DNHD1: variants seen among roughly 807,000 people sequenced by gnomAD.
DNHD1 encodes dynein heavy chain domain-containing protein 1.
A neutral mutation model predicts 458.1 loss-of-function variants in DNHD1; 383 were observed. The ratio of observed to expected loss-of-function variants is 0.84; its 90% CI spans 0.77 to 0.91. The LOEUF (loss-of-function observed/expected upper bound fraction) is 0.91. Among genes scored for constraint, DNHD1 ranks in the 40% least tolerant of loss-of-function variants. The pLI is 0.00. For missense variants in DNHD1, 5,336 were observed against 5,866.1 expected, an observed-to-expected ratio of 0.91 and a Z score of 2.95; for synonymous variants, 2,203 against 2,376.9, an observed-to-expected ratio of 0.93 and a Z score of 2.13.
In DNHD1 at chr11:6,538,367, C is replaced by A. The variant is rs1216482702; in HGVS notation, c.2999-16C>A. The A allele has an allele frequency of 2.6e-6, 4 of 1,551,620 alleles. No homozygotes were observed. The highest frequency in any genetic ancestry group is 3.5e-6 in the Non-Finnish European group (4 of 1,146,934). ...ACTGCAAGTAGCCCAGGTCTCAAGTCAGCCCTCCCCCACAGAGGATGAGAC... is the reference window on the plus strand; with the variant it reads ...ACTGCAAGTAGCCCAGGTCTCAAGTAAGCCCTCCCCCACAGAGGATGAGAC... On this transcript the variant is annotated splice_polypyrimidine_tract_variant and intron_variant, in intron 14 of 42. Transcript: ENST00000254579.
Position 6,556,875 on chromosome 11 carries a change from T to G in DNHD1, c.7580T>G (p.Leu2527Arg). The G allele has an allele frequency of 6.4e-7, 1 of 1,551,710 alleles. No individual in the cohort carries two copies. Among genetic ancestry groups the G allele is most frequent in the Non-Finnish European group, 8.7e-7 (1 of 1,146,994 alleles). ...TTTCGACTCTTCACAGTCCTGGCCCTGGAAAGCATGACCCAGGCCACCCTG... is the reference window on the plus strand; with the variant it reads ...TTTCGACTCTTCACAGTCCTGGCCCGGGAAAGCATGACCCAGGCCACCCTG... ...RLFRLFTVLA[L>R]ESMTQATLLE... is the part of the protein sequence containing the mutation. Residue 2527 changes from leucine (L) to arginine (R), a missense_variant, in exon 25 of 43, where the codon CTG becomes CGG. Leu to Arg is a moderately radical substitution (Grantham distance 102). Around this residue, in one of 4 missense-constraint regions of DNHD1, gnomAD observed 3,932 missense variants for 4,365.6 expected, o/e 0.90. Transcript: ENST00000254579.
intron 4 of DNHD1, 108 bp downstream of exon 4, chr11:6,503,034 C>A: frequency 2.5e-6 from 3 of 1,214,622 alleles, no homozygotes; most frequent in East Asian, 2.7e-5. Context: ...TGTCCTTTCT[C>A]CACATACTCC....
At chr11:6,556,158 T>C (rs1197710275) in intron 24 of DNHD1, among the ~76,000 whole-genome samples, 1 of 152,086 alleles carries the variant, frequency 6.6e-6, no homozygotes, top group Non-Finnish European at 1.5e-5. Flanking sequence ...TCATTTTTTG[T>C]AGAAACAAGG....
In DNHD1 at chr11:6,533,963, C is replaced by T. The variant is rs1042376676; in HGVS notation, c.2788C>T (p.Arg930Ter). 9.0e-6 allele frequency: 14 copies of T among 1,551,242 alleles called. No individual in the cohort carries two copies. Among genetic ancestry groups the T allele is most frequent in the Non-Finnish European group, 1.1e-5 (13 of 1,146,924 alleles). Residue 930 changes from arginine (R) to a stop codon, truncating the protein, a stop_gained, in exon 14 of 43, where the codon CGA becomes TGA. Transcript: ENST00000254579. LOFTEE classifies it high-confidence loss of function. Reference sequence around the variant, plus strand: ...GGCTTCAGAGTTCCTGCTCAGCAAGCGACATGCCATTATGCCCAAGCTGCA... The same window carrying T: ...GGCTTCAGAGTTCCTGCTCAGCAAGTGACATGCCATTATGCCCAAGCTGCA... The part of the protein sequence containing the change: ...SQASEFLLSK[R>*]HAIMPKLQQL...
chr11:6,546,665 C>CTGCCCTACCGCA lies in DNHD1; in HGVS notation c.5734_5735insCGCATGCCCTAC (p.Leu1911_Leu1912insProHisAlaLeu). 1 of 1,550,764 alleles carries CTGCCCTACCGCA rather than the reference C, an allele frequency of 6.4e-7. No homozygotes were observed. The highest frequency in any genetic ancestry group is 1.4e-5 in the African/African-American group (1 of 73,120). ...CGCAGCCTAGCTGCCATTGAGGAGG[C>CTGCCCTACCGCA]TGCCCTACTGCGCTCACCACTGTTT... On this transcript the variant is annotated inframe_insertion, in exon 21 of 43. Coordinates refer to ENST00000254579, the MANE Select transcript of DNHD1 (RefSeq NM_144666.3).
Position 6,570,815 on chromosome 11 carries a change from G to C in DNHD1, c.13303G>C (p.Ala4435Pro), listed in dbSNP as rs1295088731. 6.2e-7 allele frequency: 1 copy of C among 1,613,964 alleles called. No homozygotes were observed. Among genetic ancestry groups the C allele is most frequent in the East Asian group, 2.2e-5 (1 of 44,874 alleles). ...TGAGTCTCGAAGAGGCGCCCAGCTT[G>C]CGGAAAGGCGACTGCGGCAACGCCT... ...VPESRRGAQL[A>P]ERRLRQRLVQ... Residue 4435 changes from alanine to proline, a missense_variant, in exon 42 of 43, where the codon GCG (alanine) becomes CCG (proline). This residue lies in a region of DNHD1 where 698 missense variants were observed against 664.9 expected (regional missense o/e 1.05). Coordinates refer to ENST00000254579, the MANE Select transcript of DNHD1 (RefSeq NM_144666.3).
At chr11:6,512,474 G>T (rs555615444) in intron 7 of DNHD1, among the ~76,000 whole-genome samples, 2 of 151,686 alleles carry the variant, frequency 1.3e-5, no homozygotes, top group Non-Finnish European at 2.9e-5. Context: ...CGCCCACCTC[G>T]GCCTCCCAAA....
In DNHD1 at chr11:6,568,081, C is replaced by A; in HGVS notation, c.12377C>A (p.Ala4126Asp). ...GGGCAGAAGCAACTGCAGGTGATAG[C>A]CCTGGGCTCTGAAGCCTGGGACCCA... ...QQGQKQLQVI[A>D]LGSEAWDPVS... is the part of the protein sequence containing the mutation. Residue 4126 changes from alanine (A) to aspartate (D), a missense_variant, in exon 37 of 43, where the codon GCC becomes GAC. This residue lies in a region of DNHD1 where 695 missense variants were observed against 804.2 expected (regional missense o/e 0.86). Coordinates refer to ENST00000254579, the MANE Select transcript of DNHD1 (RefSeq NM_144666.3). 1 of 1,577,384 alleles carries A rather than the reference C, an allele frequency of 6.3e-7. No individual in the cohort carries two copies. The highest frequency in any genetic ancestry group is 1.8e-5 in the Admixed American group (1 of 55,200).
intron 18 of DNHD1, 73 bp downstream of exon 18, chr11:6,540,156 G>A (rs1445432984): frequency 3.0e-6 from 4 of 1,333,882 alleles, no homozygotes; most frequent in African/African-American, 1.5e-5. Flanking sequence ...ATCCATCAAG[G>A]CCTGCCAGAT....
intron 7 of DNHD1, among the ~76,000 whole-genome samples, chr11:6,512,869 T>G (rs11040905): frequency 0.28 from 42,214 of 152,082 alleles, 6,321 homozygotes; most frequent in Admixed American, 0.36. Flanking sequence ...AGCCTCTGCA[T>G]TTTTACGACT....
chr11:6,571,544 C>G lies in DNHD1; in HGVS notation c.13912-92C>G, dbSNP rs1367814828. ...AACCCTGCTAGCTTCTCCGATCTCGCTTCACCACGACCTCCTACCCGCTAA... is the reference window on the plus strand; with the variant it reads ...AACCCTGCTAGCTTCTCCGATCTCGGTTCACCACGACCTCCTACCCGCTAA... On this transcript the variant is annotated intron_variant, in intron 42 of 42. Transcript: ENST00000254579. The surrounding 1 kb of genome is among the most constrained non-coding windows in gnomAD (Gnocchi z 5.0). The G allele has an allele frequency of 3.4e-6, 5 of 1,457,052 alleles. No homozygotes were observed. Among genetic ancestry groups the G allele is most frequent in the Non-Finnish European group, 4.6e-6 (5 of 1,092,706 alleles). The allele number at this position is 1,457,052 out of a possible 1,614,324, so 90.3% of individuals were successfully genotyped here. A position where few individuals can be genotyped will look rare whatever the true frequency, so the allele number is the denominator to read the frequency against.
In DNHD1 at chr11:6,538,735, C is replaced by T. The variant is rs909978925; in HGVS notation, c.3250C>T (p.Arg1084Cys). The T allele has an allele frequency of 1.9e-5, 30 of 1,549,308 alleles. No homozygotes were observed. The highest frequency in any genetic ancestry group is 9.8e-5 in the Admixed American group (5 of 50,878). The change falls in exon 16 of 43, where the codon CGC (arginine) becomes TGC (cysteine). Residue 1084 changes from arginine to cysteine, a missense_variant. Arg to Cys is a radical substitution (Grantham distance 180). Around this residue, in one of 4 missense-constraint regions of DNHD1, gnomAD observed 3,932 missense variants for 4,365.6 expected, o/e 0.90. Coordinates refer to ENST00000254579, the MANE Select transcript of DNHD1 (RefSeq NM_144666.3). ...QHCMRILGEFRSYLPLLTKLG... is the reference protein window; with the variant it reads ...QHCMRILGEFCSYLPLLTKLG... ...CTGCATGCGCATCCTGGGGGAGTTTCGCAGCTACCTGCCCCTGCTCACTAA... is the reference window on the plus strand; with the variant it reads ...CTGCATGCGCATCCTGGGGGAGTTTTGCAGCTACCTGCCCCTGCTCACTAA...
intron 10 of DNHD1, 121 bp from the exon 11 acceptor site, chr11:6,528,401 A>T (rs1852754816): frequency 2.5e-6 from 2 of 791,650 alleles, no homozygotes; most frequent in African/African-American, 2.3e-5. Context: ...TGAGCAGCGA[A>T]TGGGTGTGTG....
Position 6,498,598 on chromosome 11 carries a change from G to A in DNHD1, c.383G>A (p.Gly128Asp), listed in dbSNP as rs1169352521. The change falls in exon 3 of 43, where the codon GGT (glycine) becomes GAT (aspartate). Residue 128 changes from glycine to aspartate, a missense_variant. This residue lies in a region of DNHD1 where 3,932 missense variants were observed against 4,365.6 expected (regional missense o/e 0.90). Coordinates refer to ENST00000254579, the MANE Select transcript of DNHD1 (RefSeq NM_144666.3). ...VQTHLHLDLL[G>D]AIVQAFPPDS... ...ACCCACCTCCATCTGGACCTGCTAG[G>A]TGCCATTGTCCAGGCCTTTCCTCCA... 14 of 1,614,080 alleles carry A rather than the reference G, an allele frequency of 8.7e-6. No homozygotes were observed. The highest frequency in any genetic ancestry group is 1.2e-5 in the Non-Finnish European group (14 of 1,180,032).
At chr11:6,540,925 G>A (rs1331811170) in intron 18 of DNHD1, among the ~76,000 whole-genome samples, 2 of 152,178 alleles carry the variant, frequency 1.3e-5, no homozygotes, top group East Asian at 1.9e-4. Context: ...ATTTACTAAC[G>A]TTTTAACCTA....
chr11:6,556,523 T>C (rs1204119739), intron 24 of DNHD1, among the ~76,000 whole-genome samples, 160 bp from the exon 25 acceptor site: 1 of 152,100 alleles, frequency 6.6e-6, no homozygotes, highest in Non-Finnish European at 1.5e-5. Context: ...TTAGGGAGAA[T>C]GTGGGGGAGG....
rs1416794310 is a variant in DNHD1 at position 6,571,153 on chromosome 11, G to A, written c.13641G>A (p.Pro4547=). ...WRPHAPAGPQ[P]PWHWLRQLSR... ...CTCATGCGCCGGCCGGTCCGCAGCC[G>A]CCCTGGCACTGGCTGCGACAGTTGT... is the stretch of plus-strand genomic sequence containing the variant. The change falls in exon 42 of 43, where the codon CCG becomes CCA. Residue 4547 remains proline, a synonymous_variant. Coordinates refer to ENST00000254579, the MANE Select transcript of DNHD1 (RefSeq NM_144666.3). This position sits in a 1 kb window ranked among gnomAD's most constrained non-coding sequence, Gnocchi z 5.0. 9.4e-6 allele frequency: 15 copies of A among 1,602,510 alleles called. No individual in the cohort carries two copies. The highest frequency in any genetic ancestry group is 1.2e-5 in the Non-Finnish European group (14 of 1,175,490).
Position 6,548,341 on chromosome 11 carries a change from C to T in DNHD1, c.7037C>T (p.Thr2346Ile). 1.3e-6 allele frequency: 2 copies of T among 1,551,704 alleles called. No individual in the cohort carries two copies. The highest frequency in any genetic ancestry group is 1.7e-6 in the Non-Finnish European group (2 of 1,146,990). Residue 2346 changes from threonine (T) to isoleucine (I), a missense_variant, in exon 23 of 43, where the codon ACT (threonine) becomes ATT (isoleucine). Transcript: ENST00000254579. The surrounding 1 kb of genome is among the most constrained non-coding windows in gnomAD (Gnocchi z 4.4). ...SPEDGTLVPF[T>I]GQYLSSHIKG... is the part of the protein sequence containing the mutation. ...GAAGATGGAACACTGGTCCCCTTCA[C>T]TGGCCAATACCTGAGCAGCCACATC...
chr11:6,535,065 T>A (rs1198323752), intron 14 of DNHD1, among the ~76,000 whole-genome samples: 3 of 152,230 alleles, frequency 2.0e-5, no homozygotes, highest in Non-Finnish European at 4.4e-5. Flanking sequence ...AGAATTCTTA[T>A]ATGTATGTTG....
Sources: allele counts gnomAD v4.1 joint callset (sites outside exome capture counted in the v4.1 genomes callset), GRCh38; gene constraint gnomAD v4.1.1; regional missense constraint gnomAD v4.1.1; non-coding constraint Gnocchi (gnomAD v3.1); transcripts MANE v1.5; gene names NCBI Gene and HGNC (gene_info 2026-07-23, HGNC 2026-07-21).